The following HMCN2 variants were observed in gnomAD, a reference collection of about 807,000 sequenced individuals.
The protein encoded by HMCN2 is hemicentin-2.
Under a neutral mutation model 377.5 loss-of-function variants are expected in HMCN2, and 325 were observed. The observed-to-expected ratio is 0.86, with a 90% CI of 0.79 to 0.94. HMCN2 has a LOEUF of 0.94. Ranked by LOEUF, HMCN2 falls within the 40% of genes least tolerant of loss-of-function variation. HMCN2 has a pLI of 0.00. For missense variants in HMCN2, 4,543 were observed against 4,725.3 expected (o/e 0.96, Z 1.13); for synonymous variants, 2,007 against 2,046.8 (o/e 0.98, Z 0.53).
At chr9:130,381,824 G>C (rs1841737289) in intron 54 of HMCN2, among the ~76,000 whole-genome samples, 1 of 151,992 alleles carries the variant, frequency 6.6e-6, no homozygotes, top group Non-Finnish European at 1.5e-5. Context: ...CCAAGGAGCT[G>C]GGCTCAGCAC....
chr9:130,323,759 G>A (rs1012929182), intron 19 of HMCN2, among the ~76,000 whole-genome samples: 7,899 of 152,058 alleles, frequency 0.052, 333 homozygotes, highest in East Asian at 0.21. Flanking sequence ...CTGGAGTGCA[G>A]TGGCATGATC....
intron 15 of HMCN2, among the ~76,000 whole-genome samples, chr9:130,319,258 GCCAGGC>G (rs1454717250): frequency 2.0e-5 from 3 of 152,140 alleles, no homozygotes; most frequent in African/African-American, 7.2e-5. Context: ...CTGGGGTAAA[GCCAGGC>G]CCCTGAGACC....
At chr9:130,357,813 C>T (rs1394993505) in intron 34 of HMCN2, 21 bp from the exon 35 acceptor site, 1 of 1,297,794 alleles carries the variant, frequency 7.7e-7, no homozygotes. Flanking sequence ...TCGGGCTCTT[C>T]CTGACTCTTT....
rs759673111 is a variant in HMCN2 at position 130,348,543 on chromosome 9, A to G, written c.4025-2A>G. The G allele has an allele frequency of 5.6e-4, 731 of 1,303,848 alleles. 3 individuals are homozygous for G. The highest frequency in any genetic ancestry group is 2.1e-3 in the South Asian group (171 of 81,010). 80.8% of individuals were successfully genotyped at this position (1,303,848 alleles called of 1,614,324 possible). ...AGCTCCTCGGCTCTCCTTGCCCCCA[A>G]GTGCCCCCCAGCATCCGGGAGGACG... On this transcript the variant is annotated splice_acceptor_variant, in intron 26 of 97. Transcript: ENST00000683500. LOFTEE classifies it high-confidence loss of function.
intron 55 of HMCN2, 30 bp from the exon 56 acceptor site, chr9:130,382,647 CAG>C: frequency 1.1e-6 from 1 of 871,114 alleles, no homozygotes; most frequent in Non-Finnish European, 1.4e-6. Context: ...GGACCTGTGC[CAG>C]CCCCTCAGCC....
chr9:130,384,295 A>T, intron 57 of HMCN2, 78 bp from the exon 58 acceptor site: 1 of 1,173,752 alleles, frequency 8.5e-7, no homozygotes, highest in South Asian at 1.5e-5. Flanking sequence ...GGTGAGGCTC[A>T]GGGTTTCTCT....
chr9:130,363,523 T>C (rs1840498197), intron 40 of HMCN2, among the ~76,000 whole-genome samples: 1 of 152,022 alleles, frequency 6.6e-6, no homozygotes, highest in South Asian at 2.1e-4. Flanking sequence ...TGTGGAGGTA[T>C]AAGAAAGAAT....
intron 54 of HMCN2, among the ~76,000 whole-genome samples, chr9:130,380,302 C>T (rs1194678618): frequency 6.6e-6 from 1 of 151,966 alleles, no homozygotes; most frequent in East Asian, 1.9e-4. Flanking sequence ...TAAAAGGCTC[C>T]AGGGGTGGGG....
At chr9:130,311,235 A>G (rs1837225290) in intron 15 of HMCN2, among the ~76,000 whole-genome samples, 1 of 152,214 alleles carries the variant, frequency 6.6e-6, no homozygotes, top group Admixed American at 6.5e-5. Context: ...TCTGGGCTGA[A>G]TGGGCCAGGC....
At chr9:130,269,257 C>A (rs1834280122) in intron 1 of HMCN2, among the ~76,000 whole-genome samples, 1 of 119,728 alleles carries the variant, frequency 8.4e-6, no homozygotes, top group Non-Finnish European at 1.7e-5. Context: ...TGCAAAAGAG[C>A]CCTGGTTCCT....
chr9:130,350,952 A>G (rs545046941), intron 29 of HMCN2, among the ~76,000 whole-genome samples: 1 of 152,220 alleles, frequency 6.6e-6, no homozygotes, highest in African/African-American at 2.4e-5. Context: ...CATTTGCAGC[A>G]TGGGGCAACT....
chr9:130,360,035 C>T lies in HMCN2; in HGVS notation c.5774-393C>T, dbSNP rs904788427. ...ATGTTCTCTAATGCCCCCTAGGGGA[C>T]GGGGTCTTCTGGTAGGGGGAGGGCA... On this transcript the variant is annotated intron_variant, in intron 37 of 97. Coordinates refer to ENST00000683500, the MANE Select transcript of HMCN2 (RefSeq NM_001291815.2). This position sits in a 1 kb window ranked among gnomAD's most constrained non-coding sequence, Gnocchi z 4.7. 9.2e-5 allele frequency among the ~76,000 whole-genome samples: 14 copies of T among 152,028 alleles called. No individual in the cohort carries two copies. The highest frequency in any genetic ancestry group is 6.2e-4 in the South Asian group (3 of 4,828).
intron 95 of HMCN2, chr9:130,431,101 G>A (rs889931691): frequency 1.5e-5 from 8 of 548,388 alleles, no homozygotes; most frequent in African/African-American, 7.5e-5. Flanking sequence ...CGGCATTCCC[G>A]CCTGGACGGA....
chr9:130,345,660 G>T (rs1839355209), intron 25 of HMCN2, among the ~76,000 whole-genome samples: 1 of 151,758 alleles, frequency 6.6e-6, no homozygotes, highest in South Asian at 2.1e-4. Context: ...TATCCCCACA[G>T]TGGGGAGTGG....
At position 130,395,320 on chromosome 9, in the gene HMCN2, G is replaced by C. The variant is rs1416643284; in HGVS notation, c.10884G>C (p.Thr3628=). Residue 3628 remains threonine, a synonymous_variant, in exon 71 of 98, where the codon ACG becomes ACC. Coordinates refer to ENST00000683500, the MANE Select transcript of HMCN2 (RefSeq NM_001291815.2). ...AGGCAGAGCCAGCGCCCAAGATCAC[G>C]TGGCACCGAGACGGCATTGTGCTGC... ...SVEAEPAPKI[T]WHRDGIVLQE... 38 of 1,289,186 alleles carry C rather than the reference G, an allele frequency of 2.9e-5. No individual in the cohort carries two copies. Among genetic ancestry groups the C allele is most frequent in the Non-Finnish European group, 3.6e-5 (36 of 988,664 alleles). The allele number at this position is 1,289,186 out of a possible 1,614,324, so 79.9% of individuals were successfully genotyped here. A position where few individuals can be genotyped will look rare whatever the true frequency, so the allele number is the denominator to read the frequency against.
chr9:130,334,722 TTCTCTCTTTC>T (rs1554945746), intron 22 of HMCN2, among the ~76,000 whole-genome samples: 4 of 138,440 alleles, frequency 2.9e-5, no homozygotes, highest in African/African-American at 1.0e-4. Flanking sequence ...TCTCTCTCTC[TTCTCTCTTTC>T]TCTCTCTTTC....
At chr9:130,375,822 G>A (rs995793486) in intron 50 of HMCN2, 54 bp from the exon 51 acceptor site, 2 of 981,996 alleles carry the variant, frequency 2.0e-6, no homozygotes, top group South Asian at 4.7e-5. Context: ...CTGTCCTCAT[G>A]CCTGGCATGA....
chr9:130,401,320 A>C (rs919811634), intron 77 of HMCN2, among the ~76,000 whole-genome samples: 5 of 152,166 alleles, frequency 3.3e-5, no homozygotes, highest in Non-Finnish European at 5.9e-5. Context: ...TATTAAGATA[A>C]TAGTACATGG....
intron 4 of HMCN2, among the ~76,000 whole-genome samples, chr9:130,290,456 C>T (rs188578866): frequency 6.6e-6 from 1 of 152,352 alleles, no homozygotes; most frequent in Non-Finnish European, 1.5e-5. Flanking sequence ...GGGTGTCACT[C>T]CTCTGGGTAA....
Sources: allele counts gnomAD v4.1 joint callset (sites outside exome capture counted in the v4.1 genomes callset), GRCh38; gene constraint gnomAD v4.1.1; non-coding constraint Gnocchi (gnomAD v3.1); transcripts MANE v1.5; gene names NCBI Gene and HGNC (gene_info 2026-07-23, HGNC 2026-07-21).